Variants in MAP2K5 observed in about 807,000 individuals in gnomAD.
The protein encoded by MAP2K5 is mitogen-activated protein kinase kinase 5.
MAP2K5 carries 49 observed loss-of-function variants against 83.1 expected under a neutral mutation model. The ratio of observed to expected loss-of-function variants is 0.59; its 90% CI spans 0.47 to 0.75. The LOEUF is 0.75. Among genes scored for constraint, MAP2K5 ranks in the 30% least tolerant of loss-of-function variants. MAP2K5 has a pLI of 0.00. For missense variants in MAP2K5, 457 were observed against 557.5 expected (o/e 0.82, Z 1.82); for synonymous variants, 202 against 191.8 (o/e 1.05, Z -0.44).
rs1256303158 is a variant in MAP2K5, at chr15:67,587,228, A to T, written c.431+315A>T. ...GTTTGTGAGTAGGCCAGTTTGGCAC[A>T]GGGAGGGGTGCTGGGTTGGGGAAGG... On this transcript the variant is annotated intron_variant, in intron 6 of 21. Transcript: ENST00000178640. This position sits in a 1 kb window ranked among gnomAD's most constrained non-coding sequence, Gnocchi z 4.8. Among the ~76,000 whole-genome samples the T allele has an allele frequency of 6.6e-6, 1 of 152,168 alleles. No individual in the cohort carries two copies. The highest frequency in any genetic ancestry group is 1.5e-5 in the Non-Finnish European group (1 of 68,022).
In MAP2K5 at chr15:67,754,851, G is replaced by T. The variant is rs529416503; in HGVS notation, c.1134+6250G>T. ...CAAAAAGCGTAGGTGTTACCCTGTA[G>T]CCAAGGGATATGCTTGGAAGGTTTG... On this transcript the variant is annotated intron_variant, in intron 19 of 21. Coordinates refer to ENST00000178640, the MANE Select transcript of MAP2K5 (RefSeq NM_145160.3). 1.5e-4 allele frequency among the ~76,000 whole-genome samples: 23 copies of T among 152,326 alleles called. 1 individual carries two copies. The South Asian group carries it at 4.4e-3, about 29-fold the overall frequency.
rs78227393 is a variant in MAP2K5 at position 67,543,510 on chromosome 15, A to T, written c.135+40A>T. The T allele has an allele frequency of 1.9e-6, 3 of 1,612,270 alleles. No homozygotes were observed. Among genetic ancestry groups the T allele is most frequent in the Non-Finnish European group, 2.5e-6 (3 of 1,178,986 alleles). ...CAGTGTCCGGATGCCAGCAAGGGGG[A>T]CTCAGGGACTTGAGTAGTCAGCACC... On this transcript the variant is annotated intron_variant, in intron 1 of 21. Coordinates refer to ENST00000178640, the MANE Select transcript of MAP2K5 (RefSeq NM_145160.3). The surrounding 1 kb of genome is among the most constrained non-coding windows in gnomAD (Gnocchi z 4.3).
intron 3 of MAP2K5, among the ~76,000 whole-genome samples, chr15:67,575,925 T>TG (rs1352481846): frequency 6.8e-6 from 1 of 146,080 alleles, no homozygotes; most frequent in East Asian, 2.0e-4. Flanking sequence ...TCTTTTTTTT[T>TG]TTTTTTTTTT....
intron 2 of MAP2K5, among the ~76,000 whole-genome samples, chr15:67,554,848 T>C (rs535484984): frequency 6.6e-6 from 1 of 152,364 alleles, no homozygotes; most frequent in Admixed American, 6.5e-5. Flanking sequence ...AAAATGTATA[T>C]GGTCTAAATC....
intron 8 of MAP2K5, among the ~76,000 whole-genome samples, chr15:67,609,878 A>C (rs1345764339): frequency 6.6e-6 from 1 of 152,148 alleles, no homozygotes; most frequent in African/African-American, 2.4e-5. Context: ...CCCTAAGATT[A>C]AGATAGGCAT....
chr15:67,801,014 G>T lies in MAP2K5; in HGVS notation c.1243-5632G>T, dbSNP rs1422875799. Among the ~76,000 whole-genome samples, 1 of 152,136 alleles carries T rather than the reference G, an allele frequency of 6.6e-6. No individual in the cohort carries two copies. Among genetic ancestry groups the T allele is most frequent in the Non-Finnish European group, 1.5e-5 (1 of 67,994 alleles). ...TTTTTTTAAATCCGTTTTTAAAACTGTAGCTAAAAATTTTCTTAACAGAAT... is the reference window on the plus strand; with the variant it reads ...TTTTTTTAAATCCGTTTTTAAAACTTTAGCTAAAAATTTTCTTAACAGAAT... On this transcript the variant is annotated intron_variant, in intron 21 of 21. Transcript: ENST00000178640. The surrounding 1 kb of genome is among the most constrained non-coding windows in gnomAD (Gnocchi z 4.8).
rs555792225 is a variant in MAP2K5, at chr15:67,544,580, G to A, written c.135+1110G>A. Among the ~76,000 whole-genome samples the A allele has an allele frequency of 2.8e-4, 42 of 152,208 alleles. 1 individual carries two copies. The highest frequency in any genetic ancestry group is 1.8e-3 in the Admixed American group (27 of 15,288). On this transcript the variant is annotated intron_variant, in intron 1 of 21. Transcript: ENST00000178640. ...GTTTCTTTCCCTACATGTTGCAGCC[G>A]CTTCTAATCTTTCTGGTATTCATTT...
chr15:67,696,564 G>A (rs547323212), intron 15 of MAP2K5, among the ~76,000 whole-genome samples: 132 of 152,288 alleles, frequency 8.7e-4, no homozygotes, highest in Admixed American at 1.8e-3. Context: ...ATGCTGTTAG[G>A]TACAGTGGAA....
At chr15:67,613,393 T>G (rs548704127) in intron 8 of MAP2K5, among the ~76,000 whole-genome samples, 2 of 152,314 alleles carry the variant, frequency 1.3e-5, no homozygotes, top group South Asian at 4.1e-4. Flanking sequence ...GAATGTTTGT[T>G]TCATTCGGTC....
chr15:67,794,638 GAA>G lies in MAP2K5; in HGVS notation c.1243-11990_1243-11989del, dbSNP rs61493121. ...CGGGTAACTCTGGAACATCACAGCTGAAAAAAAAAAAAAAAAAAAGACGGTAC... is the reference window on the plus strand; with the variant it reads ...CGGGTAACTCTGGAACATCACAGCTGAAAAAAAAAAAAAAAAAGACGGTAC... On this transcript the variant is annotated intron_variant, in intron 21 of 21. Transcript: ENST00000178640. The surrounding 1 kb of genome is among the most constrained non-coding windows in gnomAD (Gnocchi z 4.6). Among the ~76,000 whole-genome samples the G allele has an allele frequency of 0.43, 50,076 of 116,132 alleles. 10,350 individuals are homozygous for G. Among genetic ancestry groups the G allele is most frequent in the East Asian group, 0.66 (2,744 of 4,176 alleles). The allele number at this position is 116,132 out of a possible 152,430, so 76.2% of individuals were successfully genotyped here.
intron 17 of MAP2K5, among the ~76,000 whole-genome samples, chr15:67,739,460 A>C (rs1450300758): frequency 5.0e-5 from 1 of 19,990 alleles, no homozygotes; most frequent in Non-Finnish European, 7.6e-5. Flanking sequence ...ATATATATAT[A>C]TATTTTTTTT....
In MAP2K5 at chr15:67,559,017, G is replaced by A. The variant is rs1330135751; in HGVS notation, c.185-4266G>A. ...AAGCTAAATTAAAACTCATGGATATGAAGATGTGGCCATGGAAAGTACGGC... is the reference window on the plus strand; with the variant it reads ...AAGCTAAATTAAAACTCATGGATATAAAGATGTGGCCATGGAAAGTACGGC... On this transcript the variant is annotated intron_variant, in intron 2 of 21. Coordinates refer to ENST00000178640, the MANE Select transcript of MAP2K5 (RefSeq NM_145160.3). The surrounding 1 kb of genome is among the most constrained non-coding windows in gnomAD (Gnocchi z 4.7). Among the ~76,000 whole-genome samples the A allele has an allele frequency of 6.6e-6, 1 of 152,224 alleles. No individual in the cohort carries two copies. Among genetic ancestry groups the A allele is most frequent in the Non-Finnish European group, 1.5e-5 (1 of 68,040 alleles).
rs2090330690 is a variant in MAP2K5 at position 67,781,650 on chromosome 15, A to G, written c.1242+8898A>G. On this transcript the variant is annotated intron_variant, in intron 21 of 21. Transcript: ENST00000178640. This position sits in a 1 kb window ranked among gnomAD's most constrained non-coding sequence, Gnocchi z 4.0. ...CTCTGGTCTCTTCATATAAATGGTCACTGATTCTGAAGTAGGAGAATAGGT... is the reference window on the plus strand; with the variant it reads ...CTCTGGTCTCTTCATATAAATGGTCGCTGATTCTGAAGTAGGAGAATAGGT... Among the ~76,000 whole-genome samples, 1 of 152,172 alleles carries G rather than the reference A, an allele frequency of 6.6e-6. No homozygotes were observed. The highest frequency in any genetic ancestry group is 1.5e-5 in the Non-Finnish European group (1 of 68,028).
At chr15:67,622,366 G>C (rs748091403) in intron 8 of MAP2K5, among the ~76,000 whole-genome samples, 11 of 152,140 alleles carry the variant, frequency 7.2e-5, no homozygotes, top group Admixed American at 1.3e-4. Context: ...GCATAAGGGA[G>C]ACTGGAAGAA....
chr15:67,583,971 A>ACTC (rs10635483), intron 4 of MAP2K5, among the ~76,000 whole-genome samples: 21,598 of 151,388 alleles, frequency 0.14, 1,917 homozygotes, highest in African/African-American at 0.24. Context: ...CTGGTGTCAA[A>ACTC]CTCCTGAGCT....
chr15:67,795,514 A>T (rs1327650257), intron 21 of MAP2K5, among the ~76,000 whole-genome samples: 1 of 152,184 alleles, frequency 6.6e-6, no homozygotes, highest in African/African-American at 2.4e-5. Context: ...TTTATCTCCA[A>T]GTAGTGAAAG....
chr15:67,713,885 A>C (rs940259552), intron 16 of MAP2K5, among the ~76,000 whole-genome samples: 1 of 152,214 alleles, frequency 6.6e-6, no homozygotes, highest in African/African-American at 2.4e-5. Flanking sequence ...TTGAACTGTT[A>C]AAGAGCTTAG....
intron 16 of MAP2K5, among the ~76,000 whole-genome samples, chr15:67,713,941 T>A (rs12904982): frequency 6.6e-6 from 1 of 152,082 alleles, no homozygotes; most frequent in African/African-American, 2.4e-5. Context: ...CCAACACTTA[T>A]AATCAGTGTG....
intron 15 of MAP2K5, among the ~76,000 whole-genome samples, chr15:67,699,177 A>G (rs992535188): frequency 2.0e-5 from 3 of 151,916 alleles, no homozygotes; most frequent in Admixed American, 2.0e-4. Context: ...AGCTAAAAAG[A>G]CAGTGGGCTA....
Sources: gnomAD v4.1 joint callset for allele counts (sites outside exome capture counted in the v4.1 genomes callset) on GRCh38, gnomAD v4.1.1 for gene constraint, Gnocchi (gnomAD v3.1) non-coding constraint, MANE v1.5 for transcripts, NCBI Gene and HGNC (gene_info 2026-07-23, HGNC 2026-07-21) for gene names.